SCAF4: variants seen among roughly 807,000 people sequenced by gnomAD.
SCAF4 encodes the protein SR-related and CTD-associated factor 4.
SCAF4 carries 25 observed loss-of-function variants against 129.8 expected under a neutral mutation model. That is an observed-to-expected ratio of 0.19 (90% CI 0.14 to 0.27). The LOEUF is 0.27. SCAF4 is among the 10% of genes least tolerant of loss of function. The pLI is 1.00. For missense variants in SCAF4, 1,246 were observed against 1,457.1 expected (o/e 0.86, Z 2.36); for synonymous variants, 551 against 497.7 (o/e 1.11, Z -1.43).
chr21:31,717,932 C>A (rs2050975607), intron 1 of SCAF4, among the ~76,000 whole-genome samples: 1 of 145,094 alleles, frequency 6.9e-6, no homozygotes, highest in Admixed American at 6.8e-5. Context: ...CACACACACA[C>A]ACACACACAC....
chr21:31,700,044 T>G (rs1029334664), intron 7 of SCAF4, among the ~76,000 whole-genome samples: 8 of 151,754 alleles, frequency 5.3e-5, no homozygotes, highest in African/African-American at 1.2e-4. Context: ...TACTGCAGCT[T>G]TGAATTCCTG....
chr21:31,728,032 T>C (rs2051251950), intron 1 of SCAF4, among the ~76,000 whole-genome samples: 1 of 152,190 alleles, frequency 6.6e-6, no homozygotes, highest in Non-Finnish European at 1.5e-5. Flanking sequence ...CCTTTCCTTC[T>C]GTATCAGAGA....
At position 31,691,813 on chromosome 21, in the gene SCAF4, G is replaced by T; in HGVS notation, c.1728+4C>A. ...AAAATTAATTATAACATGTAAGACT[G>T]TACCTTTATGGATTTCTGGTTCACT... On this transcript the variant is annotated splice_donor_region_variant and intron_variant, in intron 14 of 19. Coordinates refer to ENST00000286835, the MANE Select transcript of SCAF4 (RefSeq NM_020706.2). The T allele has an allele frequency of 2.6e-6, 4 of 1,520,106 alleles. No individual in the cohort carries two copies. The highest frequency in any genetic ancestry group is 3.6e-6 in the Non-Finnish European group (4 of 1,107,168). The allele number at this position is 1,520,106 out of a possible 1,614,324, so 94.2% of individuals were successfully genotyped here.
At chr21:31,713,710 A>T (rs1286501483) in intron 1 of SCAF4, among the ~76,000 whole-genome samples, 2 of 148,914 alleles carry the variant, frequency 1.3e-5, no homozygotes, top group Non-Finnish European at 3.0e-5. Flanking sequence ...AGGTTCCTTC[A>T]AACCATTAAT....
Position 31,672,945 on chromosome 21 carries a change from T to C in SCAF4, c.2489-591A>G, listed in dbSNP as rs111899949. Among the ~76,000 whole-genome samples, 1,270 of 152,322 alleles carry C rather than the reference T, an allele frequency of 8.3e-3. 19 individuals are homozygous for C. Among genetic ancestry groups the C allele is most frequent in the African/African-American group, 0.029 (1,195 of 41,560 alleles). On this transcript the variant is annotated intron_variant, in intron 19 of 19. Coordinates refer to ENST00000286835, the MANE Select transcript of SCAF4 (RefSeq NM_020706.2). ...AACACTAATGTCTACAAAACAAAGA[T>C]CCATACACAAATGTGAAGTTTACTG...
At chr21:31,686,542 A>C (rs1212058341) in intron 16 of SCAF4, among the ~76,000 whole-genome samples, 2 of 152,154 alleles carry the variant, frequency 1.3e-5, no homozygotes, top group Admixed American at 6.5e-5. Flanking sequence ...TAAATGAGTT[A>C]ATACATACTA....
At chr21:31,725,498 T>C (rs2051179548) in intron 1 of SCAF4, among the ~76,000 whole-genome samples, 1 of 152,182 alleles carries the variant, frequency 6.6e-6, no homozygotes, top group Non-Finnish European at 1.5e-5. Flanking sequence ...TAAAGCCTAA[T>C]TTATGTCCAA....
intron 12 of SCAF4, 64 bp from the exon 13 acceptor site, chr21:31,692,513 A>T: frequency 9.3e-7 from 1 of 1,073,132 alleles, no homozygotes; most frequent in Non-Finnish European, 1.4e-6. Flanking sequence ...TGTAGCTTAC[A>T]TTAAAAAATC....
chr21:31,688,174 A>G (rs1012566186), intron 16 of SCAF4, 133 bp downstream of exon 16: 3 of 557,518 alleles, frequency 5.4e-6, no homozygotes, highest in Non-Finnish European at 8.3e-6. Context: ...AAATCTGATA[A>G]AACATGAAAA....
chr21:31,706,737 A>AG (rs2050672951), intron 1 of SCAF4: 1 of 235,938 alleles, frequency 4.2e-6, no homozygotes, highest in Non-Finnish European at 8.5e-6. Context: ...AGGGAAAGGG[A>AG]GGGGGAGCAA....
Position 31,732,109 on chromosome 21 carries a change from G to C in SCAF4, c.-417C>G. On this transcript the variant is annotated 5_prime_UTR_variant, in exon 1 of 20. Transcript: ENST00000286835. ...GCAGCGGCCCGAGTCCACGCCGCGC[G>C]GGGCACCCTGGGACGGCTCAGGCCT... The C allele has an allele frequency of 2.5e-6, 1 of 405,132 alleles. No individual in the cohort carries two copies. The highest frequency in any genetic ancestry group is 4.3e-6 in the Non-Finnish European group (1 of 231,430). The allele number at this position is 405,132 out of a possible 1,614,324, so 25.1% of individuals were successfully genotyped here.
In SCAF4 at chr21:31,732,055, T is replaced by TCTCTCTCC; in HGVS notation, c.-371_-364dup. 2 of 422,494 alleles carry TCTCTCTCC rather than the reference T, an allele frequency of 4.7e-6. No homozygotes were observed. The highest frequency in any genetic ancestry group is 8.3e-6 in the Non-Finnish European group (2 of 242,252). 26.2% of individuals were successfully genotyped at this position (422,494 alleles called of 1,614,324 possible). ...GGCCCGGCCGGCGAGCGGGCGGGCC[T>TCTCTCTCC]CTCTCTCCCTCTCTCCAGCGGGATG... On this transcript the variant is annotated 5_prime_UTR_variant, in exon 1 of 20. Transcript: ENST00000286835.
chr21:31,709,654 G>A (rs1004744759), intron 1 of SCAF4, among the ~76,000 whole-genome samples: 7 of 152,046 alleles, frequency 4.6e-5, no homozygotes, highest in African/African-American at 1.7e-4. Context: ...CAAAAGACCA[G>A]CAAGAGAACA....
At chr21:31,706,686 C>A in intron 1 of SCAF4, 1 of 286,942 alleles carries the variant, frequency 3.5e-6, no homozygotes. Flanking sequence ...TGAAAAAAGG[C>A]AGCAGAAGTA....
At position 31,693,493 on chromosome 21, in the gene SCAF4, T is replaced by A; in HGVS notation, c.1323-9A>T. The A allele has an allele frequency of 2.7e-6, 4 of 1,466,300 alleles. No homozygotes were observed. Among genetic ancestry groups the A allele is most frequent in the Non-Finnish European group, 3.7e-6 (4 of 1,089,710 alleles). The allele number at this position is 1,466,300 out of a possible 1,614,324, so 90.8% of individuals were successfully genotyped here. ...GCCTCCTTTTTGGTGACCTAATGTTTTCAAGAGAAGGGAGAATGCATAGCA... is the reference window on the plus strand; with the variant it reads ...GCCTCCTTTTTGGTGACCTAATGTTATCAAGAGAAGGGAGAATGCATAGCA... On this transcript the variant is annotated splice_polypyrimidine_tract_variant and intron_variant, in intron 11 of 19. Coordinates refer to ENST00000286835, the MANE Select transcript of SCAF4 (RefSeq NM_020706.2).
rs1387739459 is a variant in SCAF4 at position 31,730,626 on chromosome 21, T to C, written c.30+1037A>G. On this transcript the variant is annotated intron_variant, in intron 1 of 19. Transcript: ENST00000286835. ...TGATTTTTCAATGTTGCTTTATCTT[T>C]GGTATTTGGAAAGGGAAGACAATAC... is the stretch of plus-strand genomic sequence containing the variant. 3.9e-5 allele frequency among the ~76,000 whole-genome samples: 6 copies of C among 152,236 alleles called. No individual in the cohort carries two copies. In the East Asian group the frequency reaches 1.2e-3, roughly 29 times the overall value.
At chr21:31,696,848 C>T in intron 7 of SCAF4, 98 bp from the exon 8 acceptor site, 1 of 1,023,794 alleles carries the variant, frequency 9.8e-7, no homozygotes, top group Non-Finnish European at 1.4e-6. Context: ...CATCTAGAAA[C>T]CCACATTGTC....
intron 1 of SCAF4, among the ~76,000 whole-genome samples, chr21:31,707,538 CTTAAA>C (rs759787406): frequency 6.6e-6 from 1 of 152,172 alleles, no homozygotes; most frequent in Admixed American, 6.5e-5. Flanking sequence ...TATCTACCTT[CTTAAA>C]TTATTGTTTT....
At chr21:31,699,441 C>A (rs940107085) in intron 7 of SCAF4, among the ~76,000 whole-genome samples, 13 of 150,672 alleles carry the variant, frequency 8.6e-5, no homozygotes, top group African/African-American at 2.4e-4. Flanking sequence ...TATACACGAA[C>A]AAATCTGTTC....
Sources: allele counts gnomAD v4.1 joint callset (sites outside exome capture counted in the v4.1 genomes callset), GRCh38; gene constraint gnomAD v4.1.1; transcripts MANE v1.5; gene names NCBI Gene and HGNC (gene_info 2026-07-23, HGNC 2026-07-21).